GAS7: variants seen among roughly 807,000 people sequenced by gnomAD.
GAS7 encodes the protein growth arrest specific 7, also known as growth arrest-specific protein 7.
In GAS7, 28 loss-of-function variants were observed where a neutral mutation model predicts 71.1. The ratio of observed to expected loss-of-function variants is 0.39; its 90% CI spans 0.29 to 0.54. The LOEUF is 0.54. GAS7 is among the 20% of genes least tolerant of loss of function. The pLI is 0.62. For missense variants in GAS7, 436 were observed against 627.8 expected (o/e 0.69, Z 3.27); for synonymous variants, 258 against 245.8 (o/e 1.05, Z -0.46).
At chr17:9,917,908 T>C (rs2067642098) in intron 13 of GAS7, 93 bp downstream of exon 13, 2 of 867,492 alleles carry the variant, frequency 2.3e-6, no homozygotes, top group African/African-American at 1.7e-5. Flanking sequence ...GCAGATTCAC[T>C]TGCAGCAGCC....
intron 2 of GAS7, among the ~76,000 whole-genome samples, chr17:10,009,513 T>C (rs1597676756): frequency 6.6e-6 from 1 of 151,966 alleles, no homozygotes; most frequent in East Asian, 1.9e-4. Context: ...CTCACAAACA[T>C]AACACATTTA....
Position 9,975,472 on chromosome 17 carries a change from C to T in GAS7, c.386-5710G>A, listed in dbSNP as rs577531463. 1.6e-4 allele frequency among the ~76,000 whole-genome samples: 17 copies of T among 107,670 alleles called. No individual in the cohort carries two copies. In the South Asian group the frequency reaches 3.9e-3, roughly 25 times the overall value. 70.6% of individuals were successfully genotyped at this position (107,670 alleles called of 152,430 possible). A position where few individuals can be genotyped will look rare whatever the true frequency, so the allele number is the denominator to read the frequency against. On this transcript the variant is annotated intron_variant, in intron 3 of 13. Coordinates refer to ENST00000432992, the MANE Select transcript of GAS7 (RefSeq NM_201433.2). ...TCTTCTTCCCTCCCTCCCTTCCCTT[C>T]GGGCTTCTTTTTCCTTCCTCCCTTC...
At chr17:9,997,861 G>A (rs2071108335) in intron 2 of GAS7, among the ~76,000 whole-genome samples, 1 of 152,232 alleles carries the variant, frequency 6.6e-6, no homozygotes, top group Non-Finnish European at 1.5e-5. Context: ...TACAGATGAA[G>A]AGGCAGATGG....
In GAS7 at chr17:10,128,777, G is replaced by A. The variant is rs1300062530; in HGVS notation, c.183+69431C>T. ...TGGGATTACAGGCGCCCACCACCGC[G>A]CCCAGCTAATTTTTTGTATTTGTAG... On this transcript the variant is annotated intron_variant, in intron 1 of 13. Coordinates refer to ENST00000432992, the MANE Select transcript of GAS7 (RefSeq NM_201433.2). 5.3e-5 allele frequency among the ~76,000 whole-genome samples: 8 copies of A among 151,836 alleles called. No homozygotes were observed. The South Asian group carries it at 6.2e-4, about 12-fold the overall frequency.
chr17:10,188,741 C>T (rs1050975943), intron 1 of GAS7, among the ~76,000 whole-genome samples: 1 of 152,102 alleles, frequency 6.6e-6, no homozygotes, highest in South Asian at 2.1e-4. Context: ...CGGGTTCAAG[C>T]GATCCTCCCA....
intron 1 of GAS7, among the ~76,000 whole-genome samples, chr17:10,177,054 C>A (rs2074378491): frequency 6.6e-6 from 1 of 152,126 alleles, no homozygotes; most frequent in African/African-American, 2.4e-5. Flanking sequence ...CTGCAGAGCT[C>A]AGAGTGTAAT....
chr17:10,122,084 A>T (rs922546675), intron 1 of GAS7, among the ~76,000 whole-genome samples: 1 of 152,170 alleles, frequency 6.6e-6, no homozygotes, highest in Non-Finnish European at 1.5e-5. Context: ...CATCAGCACC[A>T]TCATCAACGA....
At chr17:9,932,122 T>C (rs1388371548) in intron 9 of GAS7, among the ~76,000 whole-genome samples, 4 of 150,952 alleles carry the variant, frequency 2.6e-5, no homozygotes, top group Non-Finnish European at 4.4e-5. Context: ...TGACTAGTGA[T>C]GGTGGGAGGA....
rs184152264 is a variant in GAS7 at position 9,925,369 on chromosome 17, C to A, written c.1138+107G>T. On this transcript the variant is annotated intron_variant, in intron 11 of 13. Transcript: ENST00000432992. ...AACAAGGGAAGTAATTTCCTCGCTG[C>A]AGTCTTGCAAAGGAGAGATGCACCC... The A allele has an allele frequency of 6.3e-5, 70 of 1,119,976 alleles. No individual in the cohort carries two copies. In the South Asian group the frequency reaches 8.6e-4, roughly 14 times the overall value. The allele number at this position is 1,119,976 out of a possible 1,614,324, so 69.4% of individuals were successfully genotyped here.
intron 1 of GAS7, among the ~76,000 whole-genome samples, chr17:10,106,870 A>G (rs1397478935): frequency 6.6e-6 from 1 of 152,084 alleles, no homozygotes; most frequent in East Asian, 1.9e-4. Context: ...GGCATGACTG[A>G]CTTAAGGATT....
chr17:10,147,738 A>T (rs555509973), intron 1 of GAS7, among the ~76,000 whole-genome samples: 1 of 152,332 alleles, frequency 6.6e-6, no homozygotes, highest in South Asian at 2.1e-4. Flanking sequence ...AAAGATCCAA[A>T]TATGATGTTT....
chr17:10,036,513 A>G (rs1211985090), intron 1 of GAS7: 2 of 1,610,614 alleles, frequency 1.2e-6, no homozygotes, highest in African/African-American at 1.3e-5. Flanking sequence ...CCTCAGACTC[A>G]GCACCAAGAC....
chr17:10,072,368 C>T (rs2073349856), intron 1 of GAS7, among the ~76,000 whole-genome samples: 1 of 152,152 alleles, frequency 6.6e-6, no homozygotes, highest in African/African-American at 2.4e-5. Flanking sequence ...TAACTTAGTC[C>T]ACTCCACAAT....
At chr17:9,921,377 G>A (rs142527713) in intron 11 of GAS7, among the ~76,000 whole-genome samples, 1,830 of 151,928 alleles carry the variant, frequency 0.012, 46 homozygotes, top group African/African-American at 0.041. Context: ...GGCTAGTCTC[G>A]AACTCCTGAC....
chr17:9,957,410 C>T (rs2069289536), intron 5 of GAS7, among the ~76,000 whole-genome samples: 1 of 152,262 alleles, frequency 6.6e-6, no homozygotes, highest in African/African-American at 2.4e-5. Context: ...CCTCCGGCCA[C>T]ACCCGAAGCC....
In GAS7 at chr17:10,005,084, T is replaced by TGC. The variant is rs1555617281; in HGVS notation, c.304+14692_304+14693insGC. Among the ~76,000 whole-genome samples, 12 of 150,364 alleles carry TGC rather than the reference T, an allele frequency of 8.0e-5. 1 individual carries two copies. Among genetic ancestry groups the TGC allele is most frequent in the East Asian group, 4.0e-4 (2 of 5,062 alleles). On this transcript the variant is annotated intron_variant, in intron 2 of 13. Coordinates refer to ENST00000432992, the MANE Select transcript of GAS7 (RefSeq NM_201433.2). ...ATGTGTGTATGCACGCATACATGCGTGTGTGCACGCATACATGCATGTGTG... is the reference window on the plus strand; with the variant it reads ...ATGTGTGTATGCACGCATACATGCGTGCGTGTGCACGCATACATGCATGTGTG...
At position 10,004,557 on chromosome 17, in the gene GAS7, C is replaced by A. The variant is rs544722078; in HGVS notation, c.304+15220G>T. On this transcript the variant is annotated intron_variant, in intron 2 of 13. Coordinates refer to ENST00000432992, the MANE Select transcript of GAS7 (RefSeq NM_201433.2). Reference sequence around the variant, plus strand: ...GAGCTTCCTGCGCTAATGTTGGACACACATAAAAGCCCCAGAAAAAAAGGC... The same window carrying A: ...GAGCTTCCTGCGCTAATGTTGGACAAACATAAAAGCCCCAGAAAAAAAGGC... Among the ~76,000 whole-genome samples the A allele has an allele frequency of 4.1e-4, 63 of 152,250 alleles. 1 individual carries two copies. In the South Asian group the frequency reaches 6.9e-3, roughly 17 times the overall value.
intron 1 of GAS7, among the ~76,000 whole-genome samples, chr17:10,084,570 G>A (rs1032104760): frequency 5.3e-5 from 8 of 152,082 alleles, no homozygotes; most frequent in Non-Finnish European, 1.0e-4. Flanking sequence ...AGGTTCAAGT[G>A]ATTCTCCTGC....
At chr17:10,110,551 C>T (rs1039527961) in intron 1 of GAS7, among the ~76,000 whole-genome samples, 7 of 152,140 alleles carry the variant, frequency 4.6e-5, no homozygotes, top group African/African-American at 7.2e-5. Context: ...CGGCAACCTC[C>T]GTCTCCCGGG....
Sources: gnomAD v4.1 joint callset for allele counts (sites outside exome capture counted in the v4.1 genomes callset) on GRCh38, gnomAD v4.1.1 for gene constraint, MANE v1.5 for transcripts, NCBI Gene and HGNC (gene_info 2026-07-23, HGNC 2026-07-21) for gene names.